Variants in CRACD observed in about 807,000 individuals in gnomAD.
CRACD encodes the protein capping protein inhibiting regulator of actin dynamics.
CRACD carries 56 observed loss-of-function variants against 106.8 expected under a neutral mutation model. That is an observed-to-expected ratio of 0.52 (90% CI 0.42 to 0.66). CRACD has a LOEUF of 0.66. CRACD is among the 30% of genes least tolerant of loss of function. The probability of loss-of-function intolerance (pLI) is 0.00; values close to 1 mark genes in which losing one functional copy is unlikely to be tolerated. For synonymous variants in CRACD, 754 were observed against 670.8 expected (o/e 1.12, Z -1.92); for missense variants, 1,730 against 1,623.2 (o/e 1.07, Z -1.13).
At chr4:56,111,202 C>G (rs534937106) in intron 1 of CRACD, among the ~76,000 whole-genome samples, 3 of 151,694 alleles carry the variant, frequency 2.0e-5, no homozygotes, top group Admixed American at 2.0e-4. Flanking sequence ...TGGATGTGGA[C>G]GGGGGTGGGG....
rs1014067807 is a variant in CRACD at position 56,255,397 on chromosome 4, A to G, written c.-188-16924A>G. Among the ~76,000 whole-genome samples, 6 of 152,296 alleles carry G rather than the reference A, an allele frequency of 3.9e-5. 1 individual carries two copies. Among genetic ancestry groups the G allele is most frequent in the Admixed American group, 2.6e-4 (4 of 15,292 alleles). On this transcript the variant is annotated intron_variant, in intron 2 of 10. Coordinates refer to ENST00000682029, the MANE Select transcript of CRACD (RefSeq NM_001393381.1). ...GCACCATTCTGCTCTCAATTTAATG[A>G]AGGCACTAATGTAAAGACATAGAAA...
At chr4:56,187,442 C>T (rs1184198298) in intron 2 of CRACD, among the ~76,000 whole-genome samples, 2 of 152,052 alleles carry the variant, frequency 1.3e-5, no homozygotes, top group African/African-American at 2.4e-5. Context: ...TAAATCCTGT[C>T]GTTTCTTTCA....
At chr4:56,317,870 C>T (rs1745785998) in intron 8 of CRACD, among the ~76,000 whole-genome samples, 1 of 151,268 alleles carries the variant, frequency 6.6e-6, no homozygotes, top group South Asian at 2.1e-4. Flanking sequence ...TTTGGGCCAA[C>T]AAAGCTGTCA....
chr4:56,123,279 A>G (rs2109856462), intron 1 of CRACD, among the ~76,000 whole-genome samples: 1 of 152,312 alleles, frequency 6.6e-6, no homozygotes, highest in East Asian at 1.9e-4. Context: ...GGCGATTTAA[A>G]CAACAGACAT....
intron 3 of CRACD, among the ~76,000 whole-genome samples, chr4:56,275,049 A>T (rs1030052020): frequency 1.1e-4 from 17 of 152,364 alleles, no homozygotes; most frequent in African/African-American, 4.1e-4. Context: ...CAAATACTGC[A>T]TGTTCTCACT....
chr4:56,216,270 T>C (rs1037894287), intron 2 of CRACD: 10 of 152,282 alleles, frequency 6.6e-5, no homozygotes, highest in African/African-American at 2.4e-4. Context: ...GATTTCCTGC[T>C]GAGGTAAGTA....
At chr4:56,060,971 AT>A (rs1390002207) in intron 1 of CRACD, among the ~76,000 whole-genome samples, 1 of 152,102 alleles carries the variant, frequency 6.6e-6, no homozygotes, top group East Asian at 1.9e-4. Context: ...GATTTCTGTT[AT>A]TTATAAGCCA....
At chr4:56,310,018 C>CAAAA (rs34745980) in intron 5 of CRACD, among the ~76,000 whole-genome samples, 1 of 112,180 alleles carries the variant, frequency 8.9e-6, no homozygotes, top group Non-Finnish European at 1.8e-5. Context: ...GACCCTGTCT[C>CAAAA]AAAAAAAAAA....
chr4:56,066,529 C>T (rs1033363050), intron 1 of CRACD, among the ~76,000 whole-genome samples: 1 of 151,898 alleles, frequency 6.6e-6, no homozygotes, highest in African/African-American at 2.4e-5. Context: ...GGTGACAGAG[C>T]GAGACCCTGT....
chr4:56,254,865 G>A (rs1293906702), intron 2 of CRACD, among the ~76,000 whole-genome samples: 1 of 147,158 alleles, frequency 6.8e-6, no homozygotes, highest in Non-Finnish European at 1.5e-5. Flanking sequence ...AGCACTTTGG[G>A]AGGCTGAGGT....
At chr4:56,194,215 G>A (rs986913512) in intron 2 of CRACD, among the ~76,000 whole-genome samples, 3 of 152,064 alleles carry the variant, frequency 2.0e-5, no homozygotes, top group Non-Finnish European at 4.4e-5. Context: ...ATCCAACAGC[G>A]GGCATTTGTA....
intron 1 of CRACD, among the ~76,000 whole-genome samples, chr4:56,116,595 G>C (rs2109848639): frequency 6.6e-6 from 1 of 152,290 alleles, no homozygotes; most frequent in Middle Eastern, 3.4e-3. Context: ...TCAAATCTGT[G>C]CTCTATCTTT....
At chr4:56,316,716 C>G in intron 8 of CRACD, 27 bp downstream of exon 8, 1 of 1,581,470 alleles carries the variant, frequency 6.3e-7, no homozygotes, top group South Asian at 1.1e-5. Flanking sequence ...TGGGTAACTG[C>G]TGCCAGCCGA....
chr4:56,092,180 G>A (rs1242858576), intron 1 of CRACD, among the ~76,000 whole-genome samples: 3 of 152,192 alleles, frequency 2.0e-5, no homozygotes, highest in Non-Finnish European at 2.9e-5. Flanking sequence ...GAGTGACTTT[G>A]TGCCAGGGAA....
chr4:56,116,892 G>A (rs1259552329), intron 1 of CRACD, among the ~76,000 whole-genome samples: 1 of 151,812 alleles, frequency 6.6e-6, no homozygotes, highest in Non-Finnish European at 1.5e-5. Context: ...ATTTTTGGTA[G>A]AGACAGGGTT....
At chr4:56,243,690 T>C (rs1417743681) in intron 2 of CRACD, among the ~76,000 whole-genome samples, 3 of 152,170 alleles carry the variant, frequency 2.0e-5, no homozygotes, top group Non-Finnish European at 2.9e-5. Context: ...CATAAGATGT[T>C]TTGACATGGG....
intron 1 of CRACD, among the ~76,000 whole-genome samples, chr4:56,157,647 G>A (rs1735808625): frequency 6.6e-6 from 1 of 152,076 alleles, no homozygotes; most frequent in South Asian, 2.1e-4. Flanking sequence ...TTTTTTTTAA[G>A]TCAAGGATGA....
intron 2 of CRACD, among the ~76,000 whole-genome samples, chr4:56,202,441 T>G (rs1737925933): frequency 2.0e-5 from 3 of 152,124 alleles, no homozygotes; most frequent in African/African-American, 7.2e-5. Context: ...GAGATGGAGT[T>G]TTGTCATGTT....
chr4:56,315,569 C>G lies in CRACD; in HGVS notation c.2067C>G (p.Asp689Glu). ...AESDPRSSER[D>E]QLRPGDESTP... is the part of the protein sequence containing the mutation. The stretch of plus-strand genomic sequence containing the variant: ...GTGACCCGCGCAGCAGCGAGAGGGA[C>G]CAGTTGAGGCCCGGTGATGAGTCCA... The change falls in exon 8 of 11, where the codon GAC (aspartate) becomes GAG (glutamate). Residue 689 changes from aspartate (D) to glutamate (E), a missense_variant. Around this residue, in one of 5 missense-constraint regions of CRACD, gnomAD observed 1,620 missense variants for 1,481.6 expected, o/e 1.09. Transcript: ENST00000682029. This position sits in a 1 kb window ranked among gnomAD's most constrained non-coding sequence, Gnocchi z 4.1. The G allele has an allele frequency of 6.2e-7, 1 of 1,614,148 alleles. No individual in the cohort carries two copies. Among genetic ancestry groups the G allele is most frequent in the African/African-American group, 1.3e-5 (1 of 75,044 alleles).
Sources: gnomAD v4.1 joint callset for allele counts (sites outside exome capture counted in the v4.1 genomes callset) on GRCh38, gnomAD v4.1.1 for gene constraint, gnomAD v4.1.1 regional missense constraint, Gnocchi (gnomAD v3.1) non-coding constraint, MANE v1.5 for transcripts, NCBI Gene and HGNC (gene_info 2026-07-23, HGNC 2026-07-21) for gene names.